The following SORL1 variants were observed in gnomAD, a reference collection of about 807,000 sequenced individuals.
SORL1 encodes the protein sortilin related receptor 1, also known as sortilin-related receptor.
A neutral mutation model predicts 273.7 loss-of-function variants in SORL1; 127 were observed. The observed-to-expected ratio is 0.46, with a 90% confidence interval of 0.40 to 0.54. The LOEUF is 0.54. Ranked by LOEUF, SORL1 falls within the 20% of genes least tolerant of loss-of-function variation. SORL1 has a pLI of 0.00. For missense variants in SORL1, 2,494 were observed against 2,846.1 expected, an observed-to-expected ratio of 0.88 and a Z score of 2.81; for synonymous variants, 1,031 against 1,067.4, an observed-to-expected ratio of 0.97 and a Z score of 0.66.
chr11:121,547,318 A>G (rs1862441891), intron 14 of SORL1, among the ~76,000 whole-genome samples: 1 of 131,520 alleles, frequency 7.6e-6, no homozygotes, highest in Admixed American at 8.0e-5. Flanking sequence ...AAGAAAGTCT[A>G]ACAAATCTTT....
At chr11:121,539,267 A>G (rs1375979291) in intron 12 of SORL1, among the ~76,000 whole-genome samples, 3 of 152,234 alleles carry the variant, frequency 2.0e-5, no homozygotes, top group African/African-American at 4.8e-5. Flanking sequence ...AGGAAAGGAA[A>G]TGGAGTTAGT....
At chr11:121,459,074 G>A (rs1449600535) in intron 1 of SORL1, among the ~76,000 whole-genome samples, 1 of 152,180 alleles carries the variant, frequency 6.6e-6, no homozygotes, top group Non-Finnish European at 1.5e-5. Flanking sequence ...CCTCCGATGT[G>A]GCACTGTTCA....
chr11:121,485,438 T>G (rs973832545), intron 3 of SORL1, among the ~76,000 whole-genome samples: 1 of 152,224 alleles, frequency 6.6e-6, no homozygotes, highest in Admixed American at 6.5e-5. Context: ...TCAGTCTCAG[T>G]GTCCTCATTA....
At chr11:121,601,415 A>G (rs1238320137) in intron 32 of SORL1, among the ~76,000 whole-genome samples, 1 of 150,248 alleles carries the variant, frequency 6.7e-6, no homozygotes, top group Admixed American at 6.6e-5. Flanking sequence ...TATACCCAGT[A>G]ATGGGATGGC....
intron 12 of SORL1, among the ~76,000 whole-genome samples, chr11:121,542,943 C>T (rs996157275): frequency 3.3e-5 from 5 of 150,672 alleles, no homozygotes; most frequent in East Asian, 1.9e-4. Flanking sequence ...TTTGGGAGGC[C>T]GAGGCAGGCG....
Position 121,604,270 on chromosome 11 carries a change from C to G in SORL1, c.4597C>G (p.Arg1533Gly). ...GGAGGCCTGCATTGTGCTCTCGGAG[C>G]GCTGCGACGGCTTCCTGGACTGCTC... ...DGEACIVLSE[R>G]CDGFLDCSDE... The change falls in exon 33 of 48, where the codon CGC becomes GGC. Residue 1533 changes from arginine (R) to glycine (G), a missense_variant. Around this residue, in one of 3 missense-constraint regions of SORL1, gnomAD observed 1,609 missense variants for 1,816.4 expected, o/e 0.89. Coordinates refer to ENST00000260197, the MANE Select transcript of SORL1 (RefSeq NM_003105.6). 6.2e-7 allele frequency: 1 copy of G among 1,614,008 alleles called. No homozygotes were observed. Among genetic ancestry groups the G allele is most frequent in the Non-Finnish European group, 8.5e-7 (1 of 1,180,014 alleles).
chr11:121,611,226 G>A, intron 39 of SORL1, 68 bp downstream of exon 39: 2 of 1,090,554 alleles, frequency 1.8e-6, no homozygotes, highest in Non-Finnish European at 2.8e-6. Flanking sequence ...AAAGGACATA[G>A]CACAGTAAGA....
At position 121,592,113 on chromosome 11, in the gene SORL1, G is replaced by C. The variant is rs1269185141; in HGVS notation, c.4369+957G>C. Among the ~76,000 whole-genome samples, 8 of 152,264 alleles carry C rather than the reference G, an allele frequency of 5.3e-5. No homozygotes were observed. The East Asian group carries it at 1.5e-3, about 29-fold the overall frequency. On this transcript the variant is annotated intron_variant, in intron 31 of 47. Coordinates refer to ENST00000260197, the MANE Select transcript of SORL1 (RefSeq NM_003105.6). Reference sequence around the variant, plus strand: ...CTTACATCAGCCAAGCTAGATTCCTGATCTTCTTCAGATAGACTTGCTTCT... The same window carrying C: ...CTTACATCAGCCAAGCTAGATTCCTCATCTTCTTCAGATAGACTTGCTTCT...
chr11:121,555,261 T>C lies in SORL1; in HGVS notation c.2514T>C (p.Ala838=). 6.2e-7 allele frequency: 1 copy of C among 1,614,140 alleles called. No homozygotes were observed. The change falls in exon 18 of 48, where the codon GCT becomes GCC. Residue 838 remains alanine (A), a synonymous_variant. Coordinates refer to ENST00000260197, the MANE Select transcript of SORL1 (RefSeq NM_003105.6). ...NSGLETVEAL[A]FEPLSQLLYW... ...GCCTGGAGACAGTAGAAGCTTTGGC[T>C]TTTGAACCCCTCAGCCAGCTGCTTT...
At chr11:121,587,095 T>C (rs1030783917) in intron 27 of SORL1, among the ~76,000 whole-genome samples, 7 of 152,228 alleles carry the variant, frequency 4.6e-5, no homozygotes, top group Admixed American at 1.3e-4. Flanking sequence ...GCTGTAGTGG[T>C]GGACTTGAGC....
chr11:121,589,477 A>G (rs1380013730), intron 29 of SORL1, 87 bp downstream of exon 29: 2 of 1,525,870 alleles, frequency 1.3e-6, no homozygotes, highest in East Asian at 2.3e-5. Flanking sequence ...CGGCAACCCC[A>G]CTGCAGACTT....
Position 121,627,647 on chromosome 11 carries a change from G to A in SORL1, c.6457G>A (p.Val2153Met), listed in dbSNP as rs758620610. ...ATTCCTGATACTGCTGAGCCTGGGG[G>A]TGGGGTTTGCCATCCTGTACACGAA... ...ILFLILLSLGVGFAILYTKHR... is the reference protein window; with the variant it reads ...ILFLILLSLGMGFAILYTKHR... The change falls in exon 47 of 48, where the codon GTG becomes ATG. Residue 2153 changes from valine (V) to methionine (M), a missense_variant. Physicochemically the swap from Val to Met is conservative, Grantham distance 21 (BLOSUM62 1). Transcript: ENST00000260197. This position sits in a 1 kb window ranked among gnomAD's most constrained non-coding sequence, Gnocchi z 4.9. 1.2e-6 allele frequency: 2 copies of A among 1,614,200 alleles called. No individual in the cohort carries two copies. Among genetic ancestry groups the A allele is most frequent in the African/African-American group, 2.7e-5 (2 of 75,060 alleles).
At chr11:121,537,596 C>T (rs899976267) in intron 12 of SORL1, among the ~76,000 whole-genome samples, 11 of 152,212 alleles carry the variant, frequency 7.2e-5, no homozygotes, top group African/African-American at 2.7e-4. Context: ...ATTACAATAT[C>T]TGGTGCAGCC....
At chr11:121,629,358 A>G (rs944007094) in intron 47 of SORL1, 138 bp from the exon 48 acceptor site, 8 of 612,212 alleles carry the variant, frequency 1.3e-5, no homozygotes, top group Non-Finnish European at 1.8e-5. Context: ...ACAGCTGATT[A>G]TGGTGGCTGC....
At chr11:121,461,277 G>T (rs545879782) in intron 1 of SORL1, among the ~76,000 whole-genome samples, 63 of 152,294 alleles carry the variant, frequency 4.1e-4, no homozygotes, top group African/African-American at 1.2e-3. Context: ...GCTGGAGGGG[G>T]ACGGTTACTG....
At chr11:121,508,816 A>G (rs1861826575) in intron 6 of SORL1, among the ~76,000 whole-genome samples, 2 of 152,230 alleles carry the variant, frequency 1.3e-5, no homozygotes, top group African/African-American at 4.8e-5. Context: ...CATTTGCAGA[A>G]TTCTGAAAAA....
intron 2 of SORL1, among the ~76,000 whole-genome samples, chr11:121,471,235 C>T (rs1861162216): frequency 6.6e-6 from 1 of 152,220 alleles, no homozygotes; most frequent in Non-Finnish European, 1.5e-5. Context: ...CTGTCAGCTC[C>T]AGGCTCTGGT....
intron 31 of SORL1, among the ~76,000 whole-genome samples, chr11:121,591,940 T>C (rs1330369450): frequency 6.6e-6 from 1 of 152,258 alleles, no homozygotes; most frequent in African/African-American, 2.4e-5. Context: ...ATGTTTTTTA[T>C]AAAACATTAT....
chr11:121,605,316 C>T, intron 34 of SORL1, 77 bp downstream of exon 34: 2 of 1,572,878 alleles, frequency 1.3e-6, no homozygotes, highest in East Asian at 4.5e-5. Context: ...TCTCTAGTGG[C>T]ATGCACCATG....
Sources: allele counts gnomAD v4.1 joint callset (sites outside exome capture counted in the v4.1 genomes callset), GRCh38; gene constraint gnomAD v4.1.1; regional missense constraint gnomAD v4.1.1; non-coding constraint Gnocchi (gnomAD v3.1); transcripts MANE v1.5; gene names NCBI Gene and HGNC (gene_info 2026-07-23, HGNC 2026-07-21).